The following KAZN variants were observed in gnomAD, a reference collection of about 807,000 sequenced individuals.
KAZN encodes the protein kazrin.
KAZN carries 40 observed loss-of-function variants against 87.4 expected under a neutral mutation model. The observed-to-expected ratio is 0.46, with a 90% confidence interval of 0.36 to 0.60. The LOEUF is 0.60. KAZN is among the 20% of genes least tolerant of loss of function. The pLI, the probability that KAZN is intolerant of heterozygous loss-of-function variation, is 0.00. For synonymous variants in KAZN, 466 were observed against 458.3 expected, an observed-to-expected ratio of 1.02 and a Z score of -0.22; for missense variants, 898 against 1,073.9, an observed-to-expected ratio of 0.84 and a Z score of 2.29.
chr1:15,078,962 T>C (rs1457648786), intron 8 of KAZN, among the ~76,000 whole-genome samples: 2 of 152,224 alleles, frequency 1.3e-5, no homozygotes, highest in East Asian at 3.8e-4. Context: ...CTTTGTGCAA[T>C]GCATAGTGAA....
At chr1:14,653,072 C>A (rs918679089) in intron 1 of KAZN, among the ~76,000 whole-genome samples, 2 of 152,166 alleles carry the variant, frequency 1.3e-5, no homozygotes, top group African/African-American at 4.8e-5. Context: ...GGGAAGTGGA[C>A]AGATAAACAG....
chr1:13,984,498 A>T lies in KAZN; in HGVS notation c.91+90742A>T, dbSNP rs188506150. On this transcript the variant is annotated intron_variant, in intron 1 of 16. Coordinates refer to the KAZN transcript ENST00000636203. The stretch of plus-strand genomic sequence containing the variant: ...TTCATATTTTGACCTAATAATTCTA[A>T]TTTTTTTGGAATCTCTTCTAAGAAA... Among the ~76,000 whole-genome samples the T allele has an allele frequency of 3.0e-3, 452 of 152,304 alleles. 6 individuals carry two copies. The highest frequency in any genetic ancestry group is 0.01 in the African/African-American group (421 of 41,566).
chr1:14,645,530 T>C (rs1167325166), intron 1 of KAZN, among the ~76,000 whole-genome samples: 3 of 152,140 alleles, frequency 2.0e-5, no homozygotes, highest in Non-Finnish European at 4.4e-5. Context: ...CTGGCCTTCC[T>C]GATTTGGCTC....
At chr1:14,568,235 C>T (rs1674655616) in intron 2 of KAZN, among the ~76,000 whole-genome samples, 1 of 152,164 alleles carries the variant, frequency 6.6e-6, no homozygotes, top group African/African-American at 2.4e-5. Context: ...ATGAGGGCCA[C>T]ATTGAAGGGA....
At chr1:15,067,817 C>T in intron 8 of KAZN, 1 of 984,700 alleles carries the variant, frequency 1.0e-6, no homozygotes, top group Non-Finnish European at 1.2e-6. Context: ...TGGCATCTTT[C>T]TCTACGGAGA....
At chr1:14,971,209 C>A (rs1304532459) in intron 2 of KAZN, among the ~76,000 whole-genome samples, 5 of 152,186 alleles carry the variant, frequency 3.3e-5, no homozygotes, top group Non-Finnish European at 1.5e-5. Context: ...ACCAGCCTGA[C>A]CAACATGGTG....
chr1:14,373,466 CAATA>C (rs1265282190), intron 2 of KAZN, among the ~76,000 whole-genome samples: 2 of 152,070 alleles, frequency 1.3e-5, no homozygotes, highest in Non-Finnish European at 2.9e-5. Flanking sequence ...GCCTTTTTGT[CAATA>C]AATATTCAGA....
intron 2 of KAZN, among the ~76,000 whole-genome samples, chr1:14,467,147 T>A (rs1668202338): frequency 6.6e-6 from 1 of 152,154 alleles, no homozygotes; most frequent in East Asian, 1.9e-4. Flanking sequence ...TTGTAATGCA[T>A]AAAATGTAAT....
At chr1:14,814,354 G>A (rs1646503534) in intron 1 of KAZN, among the ~76,000 whole-genome samples, 1 of 152,096 alleles carries the variant, frequency 6.6e-6, no homozygotes, top group African/African-American at 2.4e-5. Flanking sequence ...AGCCTCCCGA[G>A]TATCTCCCAC....
chr1:14,558,605 G>T (rs572861369), intron 2 of KAZN, among the ~76,000 whole-genome samples: 5 of 152,206 alleles, frequency 3.3e-5, no homozygotes, highest in Admixed American at 6.5e-5. Context: ...GCTGGAAGGG[G>T]GAGTCTCAGA....
At chr1:14,859,965 T>A (rs1297148262) in intron 1 of KAZN, among the ~76,000 whole-genome samples, 1 of 152,150 alleles carries the variant, frequency 6.6e-6, no homozygotes, top group East Asian at 1.9e-4. Flanking sequence ...ACAGGGCTGC[T>A]GCTGCTTGAG....
At chr1:14,531,133 A>T (rs963971798) in intron 2 of KAZN, among the ~76,000 whole-genome samples, 2 of 152,174 alleles carry the variant, frequency 1.3e-5, no homozygotes, top group Non-Finnish European at 2.9e-5. Context: ...ATAGCAACAC[A>T]AAAATGGACT....
intron 1 of KAZN, among the ~76,000 whole-genome samples, chr1:14,000,434 G>A (rs752190122): frequency 2.0e-5 from 3 of 152,132 alleles, no homozygotes; most frequent in African/African-American, 7.2e-5. Flanking sequence ...AAACGGAAGC[G>A]AAGACAAAAA....
chr1:13,929,047 C>CTTGTTTTTTT (rs1640399265), intron 1 of KAZN, among the ~76,000 whole-genome samples: 1 of 101,540 alleles, frequency 9.8e-6, no homozygotes, highest in Non-Finnish European at 1.9e-5. Context: ...AGCTTCAAGG[C>CTTGTTTTTTT]TTTTTTTTTT....
intron 2 of KAZN, among the ~76,000 whole-genome samples, chr1:14,257,969 A>AG (rs1650669458): frequency 7.1e-6 from 1 of 140,258 alleles, no homozygotes; most frequent in African/African-American, 2.8e-5. Context: ...TAAAAAAAAA[A>AG]AAAGAGAAAA....
At chr1:14,551,442 A>T (rs951482078) in intron 2 of KAZN, among the ~76,000 whole-genome samples, 1 of 152,164 alleles carries the variant, frequency 6.6e-6, no homozygotes, top group Non-Finnish European at 1.5e-5. Context: ...GCTCGGGACA[A>T]ATCTAATATT....
chr1:13,897,353 A>G (rs748056531), intron 1 of KAZN, among the ~76,000 whole-genome samples: 4 of 152,180 alleles, frequency 2.6e-5, no homozygotes, highest in South Asian at 4.1e-4. Flanking sequence ...ATGTGGCACA[A>G]TGTGAAAGGG....
chr1:14,961,953 T>G (rs1421298755), intron 2 of KAZN, among the ~76,000 whole-genome samples: 1 of 152,168 alleles, frequency 6.6e-6, no homozygotes, highest in African/African-American at 2.4e-5. Flanking sequence ...AGAGCCAGAA[T>G]GGAGGGCCAG....
chr1:14,821,168 A>T (rs1646727240), intron 1 of KAZN, among the ~76,000 whole-genome samples: 1 of 152,180 alleles, frequency 6.6e-6, no homozygotes, highest in South Asian at 2.1e-4. Context: ...TATCCTCTTA[A>T]AATTCATATA....
Sources: gnomAD v4.1 joint callset for allele counts (sites outside exome capture counted in the v4.1 genomes callset) on GRCh38, gnomAD v4.1.1 for gene constraint, MANE v1.5 for transcripts, NCBI Gene and HGNC (gene_info 2026-07-23, HGNC 2026-07-21) for gene names.